DLGAP2: variants seen among roughly 807,000 people sequenced by gnomAD.
DLGAP2 encodes the protein DLG associated protein 2.
DLGAP2 carries 26 observed loss-of-function variants against 100.3 expected under a neutral mutation model. The observed-to-expected ratio is 0.26, with a 90% CI of 0.19 to 0.36. The LOEUF is 0.36. Among genes scored for constraint, DLGAP2 ranks in the 10% least tolerant of loss-of-function variants. DLGAP2 has a pLI of 1.00. For missense variants in DLGAP2, 1,858 were observed against 1,453.2 expected (o/e 1.28, Z -4.53); for synonymous variants, 886 against 630.1 (o/e 1.41, Z -6.08).
intron 2 of DLGAP2, among the ~76,000 whole-genome samples, chr8:1,233,288 C>T (rs1021456950): frequency 6.6e-6 from 1 of 152,220 alleles, no homozygotes; most frequent in Non-Finnish European, 1.5e-5. Context: ...CATTCCCCTA[C>T]CTTTCACTGA....
chr8:959,459 A>T (rs185432400), intron 2 of DLGAP2, among the ~76,000 whole-genome samples: 531 of 152,348 alleles, frequency 3.5e-3, no homozygotes, highest in Non-Finnish European at 5.2e-3. Flanking sequence ...GCCCTGGCTC[A>T]TGCTGGCTTA....
chr8:1,219,784 T>A (rs1798281415), intron 2 of DLGAP2, among the ~76,000 whole-genome samples: 1 of 152,108 alleles, frequency 6.6e-6, no homozygotes, highest in Non-Finnish European at 1.5e-5. Flanking sequence ...GAATCAATTT[T>A]AGAACTCATT....
At chr8:1,504,325 T>TCTC (rs1758456043) in intron 4 of DLGAP2, among the ~76,000 whole-genome samples, 2 of 152,238 alleles carry the variant, frequency 1.3e-5, no homozygotes, top group African/African-American at 4.8e-5. Context: ...GATGTTTTGA[T>TCTC]ACAGGTATAC....
chr8:1,051,861 A>G (rs1187277177), intron 2 of DLGAP2, among the ~76,000 whole-genome samples: 2 of 152,100 alleles, frequency 1.3e-5, no homozygotes, highest in East Asian at 3.9e-4. Context: ...GTCGACTGGG[A>G]GTCTGCTACG....
intron 2 of DLGAP2, among the ~76,000 whole-genome samples, chr8:1,079,692 G>T (rs975476964): frequency 1.3e-5 from 2 of 152,202 alleles, no homozygotes; most frequent in Admixed American, 6.5e-5. Context: ...ATGATTCATA[G>T]ATTGGACGAG....
At chr8:1,334,848 G>T (rs1302752673) in intron 3 of DLGAP2, among the ~76,000 whole-genome samples, 2 of 151,974 alleles carry the variant, frequency 1.3e-5, no homozygotes, top group African/African-American at 2.4e-5. Flanking sequence ...CACTAACACG[G>T]CTGTCTTGCC....
chr8:1,127,583 C>T (rs916503828), intron 2 of DLGAP2, among the ~76,000 whole-genome samples: 1 of 152,172 alleles, frequency 6.6e-6, no homozygotes, highest in African/African-American at 2.4e-5. Context: ...GCTGAAGTGG[C>T]CTCATCCTGG....
intron 8 of DLGAP2, among the ~76,000 whole-genome samples, chr8:1,645,897 T>G (rs1456682236): frequency 6.6e-6 from 1 of 152,210 alleles, no homozygotes; most frequent in Non-Finnish European, 1.5e-5. Flanking sequence ...AGTGGACGTC[T>G]TGCTCCCAAC....
At chr8:912,058 C>G (rs1255522873) in intron 2 of DLGAP2, among the ~76,000 whole-genome samples, 1 of 152,222 alleles carries the variant, frequency 6.6e-6, no homozygotes. Context: ...GCTTAGCTGC[C>G]TCACACAGCC....
intron 2 of DLGAP2, among the ~76,000 whole-genome samples, chr8:988,049 G>A (rs578257999): frequency 2.0e-5 from 3 of 152,232 alleles, no homozygotes; most frequent in South Asian, 2.1e-4. Context: ...TGACTGGGGA[G>A]GAAACTGTCT....
At chr8:878,586 C>G (rs1001963010) in intron 1 of DLGAP2, among the ~76,000 whole-genome samples, 1 of 152,068 alleles carries the variant, frequency 6.6e-6, no homozygotes, top group African/African-American at 2.4e-5. Flanking sequence ...ATGGTTGGTC[C>G]TCACCAAAAC....
chr8:1,171,822 C>G (rs1458745943), intron 2 of DLGAP2, among the ~76,000 whole-genome samples: 2 of 152,126 alleles, frequency 1.3e-5, no homozygotes, highest in Non-Finnish European at 2.9e-5. Flanking sequence ...ACTGATGGGT[C>G]TTGACTCTTT....
chr8:1,325,428 G>C (rs574851720), intron 3 of DLGAP2, among the ~76,000 whole-genome samples: 8 of 152,358 alleles, frequency 5.3e-5, no homozygotes, highest in African/African-American at 1.9e-4. Flanking sequence ...CTGCAGCCCG[G>C]CTGCTGTAGC....
intron 14 of DLGAP2, 28 bp from the exon 15 acceptor site, chr8:1,701,160 G>C: frequency 6.5e-7 from 1 of 1,547,390 alleles, no homozygotes; most frequent in Non-Finnish European, 8.7e-7. Context: ...CCGAGCACCT[G>C]CCAACGGTGA....
At chr8:1,176,515 C>A (rs536971112) in intron 2 of DLGAP2, among the ~76,000 whole-genome samples, 15 of 152,334 alleles carry the variant, frequency 9.8e-5, no homozygotes, top group South Asian at 4.1e-4. Flanking sequence ...ACTTGGAGAT[C>A]CTGCCCTCAC....
intron 3 of DLGAP2, among the ~76,000 whole-genome samples, chr8:1,279,873 C>G (rs767268599): frequency 1.3e-5 from 2 of 152,194 alleles, no homozygotes; most frequent in African/African-American, 2.4e-5. Flanking sequence ...GTAGCAGTGT[C>G]AGGCCCAGTC....
At chr8:865,546 A>G (rs1256388318) in intron 1 of DLGAP2, among the ~76,000 whole-genome samples, 1 of 152,212 alleles carries the variant, frequency 6.6e-6, no homozygotes, top group African/African-American at 2.4e-5. Flanking sequence ...TCCAAAATCT[A>G]TAATTCTTCA....
intron 2 of DLGAP2, among the ~76,000 whole-genome samples, chr8:985,203 G>A (rs1047419160): frequency 6.6e-6 from 1 of 152,184 alleles, no homozygotes. Flanking sequence ...AGAAATCAGT[G>A]GAAATGAGTC....
intron 1 of DLGAP2, among the ~76,000 whole-genome samples, chr8:889,004 A>G (rs950590949): frequency 6.6e-6 from 1 of 152,108 alleles, no homozygotes; most frequent in Non-Finnish European, 1.5e-5. Flanking sequence ...GGGTGGGGCC[A>G]TTTTATAGGA....
Sources: gnomAD v4.1 joint callset for allele counts (sites outside exome capture counted in the v4.1 genomes callset) on GRCh38, gnomAD v4.1.1 for gene constraint, MANE v1.5 for transcripts, NCBI Gene and HGNC (gene_info 2026-07-23, HGNC 2026-07-21) for gene names.